Variants in ASCL4 observed in about 807,000 individuals in gnomAD.
ASCL4 encodes the protein achaete-scute family bHLH transcription factor 4.
In ASCL4, 1 loss-of-function variant was observed where a neutral mutation model predicts 0.3. The ratio of observed to expected loss-of-function variants is 3.35; its 90% CI spans 1.19 to 15.89. The LOEUF is 15.89. Among genes scored for constraint, ASCL4 ranks in the 30% most tolerant of loss-of-function variants. ASCL4 has a pLI of 0.12. For synonymous variants in ASCL4, 137 were observed against 119.5 expected (o/e 1.15, Z -0.96); for missense variants, 330 against 256.9 (o/e 1.28, Z -1.94).
In ASCL4 at chr12:107,775,555, A is replaced by ACG. The variant is rs753723874; in HGVS notation, c.339_340dup (p.Leu114ArgfsTer93). 6.3e-7 allele frequency: 1 copy of ACG among 1,576,900 alleles called. No homozygotes were observed. The highest frequency in any genetic ancestry group is 1.8e-5 in the Admixed American group (1 of 56,458). Reference sequence around the variant, plus strand: ...AGACAAGCGCCTCAGCAAAGTGGAGACGCTCCGCGCTGCCATCGACTACAT... The same window carrying ACG: ...AGACAAGCGCCTCAGCAAAGTGGAGACGCGCTCCGCGCTGCCATCGACTACAT... On this transcript the variant is annotated frameshift_variant, in exon 1 of 1. Coordinates refer to ENST00000342331, the MANE Select transcript of ASCL4 (RefSeq NM_203436.3). LOFTEE classifies it low-confidence loss of function (END_TRUNC).
chr12:107,775,229 G>A lies in ASCL4; in HGVS notation c.11G>A (p.Arg4His), dbSNP rs1176000494. The change falls in exon 1 of 1, where the codon CGT becomes CAT. Residue 4 changes from arginine to histidine, a missense_variant. Coordinates refer to ENST00000342331, the MANE Select transcript of ASCL4 (RefSeq NM_203436.3). ...GCTTTCCGGCAAATGATGGAGACGC[G>A]TAAACCGGCGGAACGGCTGGCCTTG... is the stretch of plus-strand genomic sequence containing the variant. MET[R>H]KPAERLALPY... 6.2e-7 allele frequency: 1 copy of A among 1,611,486 alleles called. No homozygotes were observed. The highest frequency in any genetic ancestry group is 8.5e-7 in the Non-Finnish European group (1 of 1,178,798).
In ASCL4 at chr12:107,776,301, G is replaced by C. The variant is rs1315034199; in HGVS notation, c.*564G>C. On this transcript the variant is annotated 3_prime_UTR_variant, in exon 1 of 1. Coordinates refer to ENST00000342331, the MANE Select transcript of ASCL4 (RefSeq NM_203436.3). ...CTGCTTTGGGTGAAGGAGACTGTAA[G>C]CTGGTACTTGAGAACGAATTTGCCA... The C allele has an allele frequency of 6.0e-6, 1 of 167,118 alleles. No homozygotes were observed. The highest frequency in any genetic ancestry group is 2.4e-5 in the African/African-American group (1 of 41,444). The allele number at this position is 167,118 out of a possible 1,614,324, so 10.4% of individuals were successfully genotyped here. A position where few individuals can be genotyped will look rare whatever the true frequency, so the allele number is the denominator to read the frequency against.
chr12:107,775,271 C>T lies in ASCL4; in HGVS notation c.53C>T (p.Thr18Ile), dbSNP rs370244634. Reference sequence around the variant, plus strand: ...CTGGCCTTGCCATACTCGCTGCGCACCGCGCCCCTGGGCGTTCCGGGGACC... The same window carrying T: ...CTGGCCTTGCCATACTCGCTGCGCATCGCGCCCCTGGGCGTTCCGGGGACC... ...ERLALPYSLR[T>I]APLGVPGTLP... Residue 18 changes from threonine (T) to isoleucine (I), a missense_variant, in exon 1 of 1, where the codon ACC becomes ATC. Thr to Ile is a moderately conservative substitution (Grantham distance 89, BLOSUM62 -1). Coordinates refer to ENST00000342331, the MANE Select transcript of ASCL4 (RefSeq NM_203436.3). 5.4e-5 allele frequency: 87 copies of T among 1,612,906 alleles called. No homozygotes were observed. The African/African-American group carries it at 9.9e-4, about 18-fold the overall frequency.
At position 107,775,397 on chromosome 12, in the gene ASCL4, A is replaced by G. The variant is rs759446215; in HGVS notation, c.179A>G (p.Tyr60Cys). ...ARSGCARGWQ[Y>C]LPVPLDSAFE... ...AGCGGCTGCGCACGGGGATGGCAGTACTTGCCCGTGCCGCTGGACAGCGCC... is the reference window on the plus strand; with the variant it reads ...AGCGGCTGCGCACGGGGATGGCAGTGCTTGCCCGTGCCGCTGGACAGCGCC... Residue 60 changes from tyrosine (Y) to cysteine (C), a missense_variant, in exon 1 of 1, where the codon TAC (tyrosine) becomes TGC (cysteine). By Grantham distance (194) the Tyr-to-Cys change is radical (BLOSUM62 -2). Transcript: ENST00000342331. 17 of 1,595,212 alleles carry G rather than the reference A, an allele frequency of 1.1e-5. No individual in the cohort carries two copies. Among genetic ancestry groups the G allele is most frequent in the Non-Finnish European group, 1.2e-5 (14 of 1,173,740 alleles).
rs1891431444 is a variant in ASCL4 at position 107,774,841 on chromosome 12, T to G, written c.-378T>G. ...ATTACAGGCATTGAAAAGCTTTTGG[T>G]GGCTTTGGAAGATGACTCTGGTGTG... On this transcript the variant is annotated 5_prime_UTR_variant, in exon 1 of 1. Coordinates refer to ENST00000342331, the MANE Select transcript of ASCL4 (RefSeq NM_203436.3). 1 of 204,504 alleles carries G rather than the reference T, an allele frequency of 4.9e-6. No homozygotes were observed. Among genetic ancestry groups the G allele is most frequent in the Non-Finnish European group, 9.8e-6 (1 of 102,482 alleles). 12.7% of individuals were successfully genotyped at this position (204,504 alleles called of 1,614,324 possible).
chr12:107,775,441 C>T lies in ASCL4; in HGVS notation c.223C>T (p.Arg75Cys). The stretch of plus-strand genomic sequence containing the variant: ...CAGCGCCTTCGAGCCCGCCTTCCTC[C>T]GCAAGCGCAACGAGCGCGAGCGGCA... ...LDSAFEPAFLRKRNERERQRV... is the reference protein window; with the variant it reads ...LDSAFEPAFLCKRNERERQRV... The change falls in exon 1 of 1, where the codon CGC becomes TGC. Residue 75 changes from arginine (R) to cysteine (C), a missense_variant. Transcript: ENST00000342331. 2.5e-6 allele frequency: 4 copies of T among 1,569,144 alleles called. No homozygotes were observed. Among genetic ancestry groups the T allele is most frequent in the East Asian group, 2.3e-5 (1 of 43,270 alleles).
chr12:107,774,998 T>A lies in ASCL4; in HGVS notation c.-221T>A. The A allele has an allele frequency of 1.7e-6, 1 of 577,436 alleles. No individual in the cohort carries two copies. The highest frequency in any genetic ancestry group is 3.6e-5 in the Admixed American group (1 of 27,802). The allele number at this position is 577,436 out of a possible 1,614,324, so 35.8% of individuals were successfully genotyped here. ...TACGTCTTTGCCTACCACCTCTGCC[T>A]AAATCATAAAAAGATCGAGGAGTGC... On this transcript the variant is annotated 5_prime_UTR_variant, in exon 1 of 1. Coordinates refer to ENST00000342331, the MANE Select transcript of ASCL4 (RefSeq NM_203436.3).
At position 107,775,227 on chromosome 12, in the gene ASCL4, G is replaced by A. The variant is rs1392420625; in HGVS notation, c.9G>A (p.Thr3=). The part of the protein sequence containing the change: ME[T]RKPAERLALP... ...GTGCTTTCCGGCAAATGATGGAGAC[G>A]CGTAAACCGGCGGAACGGCTGGCCT... Residue 3 remains threonine, a synonymous_variant, in exon 1 of 1, where the codon ACG becomes ACA. Coordinates refer to ENST00000342331, the MANE Select transcript of ASCL4 (RefSeq NM_203436.3). 1.9e-6 allele frequency: 3 copies of A among 1,611,470 alleles called. No individual in the cohort carries two copies. The highest frequency in any genetic ancestry group is 1.1e-5 in the South Asian group (1 of 90,886).
chr12:107,774,932 C>T lies in ASCL4; in HGVS notation c.-287C>T, dbSNP rs1284933236. 4.5e-6 allele frequency: 2 copies of T among 448,084 alleles called. No homozygotes were observed. Among genetic ancestry groups the T allele is most frequent in the Admixed American group, 8.3e-5 (2 of 24,064 alleles). The allele number at this position is 448,084 out of a possible 1,614,324, so 27.8% of individuals were successfully genotyped here. On this transcript the variant is annotated 5_prime_UTR_variant, in exon 1 of 1. Transcript: ENST00000342331. ...CCTTTGTTATCTTCTGAAAGAAGAT[C>T]AGTGGGGAAGACGGGGTTTGAAGTG... is the stretch of plus-strand genomic sequence containing the variant.
chr12:107,775,210 C>A lies in ASCL4; in HGVS notation c.-9C>A, dbSNP rs1254134425. 7 of 1,609,254 alleles carry A rather than the reference C, an allele frequency of 4.3e-6. No homozygotes were observed. Among genetic ancestry groups the A allele is most frequent in the Non-Finnish European group, 5.9e-6 (7 of 1,177,704 alleles). On this transcript the variant is annotated 5_prime_UTR_variant, in exon 1 of 1. Coordinates refer to ENST00000342331, the MANE Select transcript of ASCL4 (RefSeq NM_203436.3). ...CCTCTTGAGTGATTTGTGTGCTTTC[C>A]GGCAAATGATGGAGACGCGTAAACC...
chr12:107,775,462 C>T lies in ASCL4; in HGVS notation c.244C>T (p.Arg82Trp). 6.4e-7 allele frequency: 1 copy of T among 1,565,064 alleles called. No homozygotes were observed. Among genetic ancestry groups the T allele is most frequent in the Non-Finnish European group, 8.6e-7 (1 of 1,163,834 alleles). ...AFLRKRNERE[R>W]QRVRCVNEGY... ...CCTCCGCAAGCGCAACGAGCGCGAG[C>T]GGCAGCGGGTGCGCTGCGTGAACGA... Residue 82 changes from arginine to tryptophan, a missense_variant, in exon 1 of 1, where the codon CGG becomes TGG. By Grantham distance (101) the Arg-to-Trp change is moderately radical (BLOSUM62 -3). Transcript: ENST00000342331.
At position 107,775,616 on chromosome 12, in the gene ASCL4, G is replaced by T. The variant is rs1013793437; in HGVS notation, c.398G>T (p.Trp133Leu). 4.5e-6 allele frequency: 7 copies of T among 1,565,532 alleles called. No homozygotes were observed. The highest frequency in any genetic ancestry group is 2.3e-5 in the East Asian group (1 of 42,810). ...CAGGAGCTGCTGGAGCGCCAGGCCT[G>T]GGGGCTCGAGGGCGCGGCCGGCGCC... ...HLQELLERQA[W>L]GLEGAAGAVP... Residue 133 changes from tryptophan to leucine, a missense_variant, in exon 1 of 1, where the codon TGG becomes TTG. Coordinates refer to ENST00000342331, the MANE Select transcript of ASCL4 (RefSeq NM_203436.3).
chr12:107,775,047 C>T lies in ASCL4; in HGVS notation c.-172C>T, dbSNP rs1343954426. 2 of 750,466 alleles carry T rather than the reference C, an allele frequency of 2.7e-6. No homozygotes were observed. Among genetic ancestry groups the T allele is most frequent in the Middle Eastern group, 7.0e-4 (2 of 2,864 alleles). 46.5% of individuals were successfully genotyped at this position (750,466 alleles called of 1,614,324 possible). A position where few individuals can be genotyped will look rare whatever the true frequency, so the allele number is the denominator to read the frequency against. On this transcript the variant is annotated 5_prime_UTR_variant, in exon 1 of 1. Transcript: ENST00000342331. The stretch of plus-strand genomic sequence containing the variant: ...GCAATGAACTTCAGGAATCATGCAC[C>T]GTTTCCCTGAAGCCTGTCCAGGAAC...
rs570676868 is a variant in ASCL4 at position 107,775,975 on chromosome 12, A to C, written c.*238A>C. On this transcript the variant is annotated 3_prime_UTR_variant, in exon 1 of 1. Coordinates refer to ENST00000342331, the MANE Select transcript of ASCL4 (RefSeq NM_203436.3). ...GCCTGCAACTTATAGGTGCTTATTAAGGAGACTCTTTTCCTATACTTCTAA... is the reference window on the plus strand; with the variant it reads ...GCCTGCAACTTATAGGTGCTTATTACGGAGACTCTTTTCCTATACTTCTAA... 8 of 422,344 alleles carry C rather than the reference A, an allele frequency of 1.9e-5. No homozygotes were observed. Among genetic ancestry groups the C allele is most frequent in the Non-Finnish European group, 2.5e-5 (6 of 236,748 alleles). The allele number at this position is 422,344 out of a possible 1,614,324, so 26.2% of individuals were successfully genotyped here. A position where few individuals can be genotyped will look rare whatever the true frequency, so the allele number is the denominator to read the frequency against.
Position 107,775,235 on chromosome 12 carries a change from C to A in ASCL4, c.17C>A (p.Pro6Gln). Residue 6 changes from proline (P) to glutamine (Q), a missense_variant, in exon 1 of 1, where the codon CCG becomes CAG. Physicochemically the swap from Pro to Gln is moderately conservative, Grantham distance 76. Coordinates refer to ENST00000342331, the MANE Select transcript of ASCL4 (RefSeq NM_203436.3). METRKPAERLALPYSL... is the reference protein window; with the variant it reads METRKQAERLALPYSL... ...CGGCAAATGATGGAGACGCGTAAAC[C>A]GGCGGAACGGCTGGCCTTGCCATAC... is the stretch of plus-strand genomic sequence containing the variant. 6.2e-7 allele frequency: 1 copy of A among 1,611,916 alleles called. No individual in the cohort carries two copies. The highest frequency in any genetic ancestry group is 8.5e-7 in the Non-Finnish European group (1 of 1,179,026).
chr12:107,775,743 G>A lies in ASCL4; in HGVS notation c.*6G>A, dbSNP rs1386146972. On this transcript the variant is annotated 3_prime_UTR_variant, in exon 1 of 1. Coordinates refer to ENST00000342331, the MANE Select transcript of ASCL4 (RefSeq NM_203436.3). ...CCGAGGAGGGGGGCAGCTAGCGAGCGCCCGAACTGGCCAGGACCCCCGCGC... is the reference window on the plus strand; with the variant it reads ...CCGAGGAGGGGGGCAGCTAGCGAGCACCCGAACTGGCCAGGACCCCCGCGC... The A allele has an allele frequency of 1.4e-6, 2 of 1,425,652 alleles. No individual in the cohort carries two copies. The highest frequency in any genetic ancestry group is 2.7e-5 in the East Asian group (1 of 36,822). 88.3% of individuals were successfully genotyped at this position (1,425,652 alleles called of 1,614,324 possible).
rs1197487556 is a variant in ASCL4, at chr12:107,775,993, A to G, written c.*256A>G. ...CTTATTAAGGAGACTCTTTTCCTAT[A>G]CTTCTAAAATGCAAACTGTTTCAGA... On this transcript the variant is annotated 3_prime_UTR_variant, in exon 1 of 1. Coordinates refer to ENST00000342331, the MANE Select transcript of ASCL4 (RefSeq NM_203436.3). 2.5e-6 allele frequency: 1 copy of G among 395,816 alleles called. No individual in the cohort carries two copies. The allele number at this position is 395,816 out of a possible 1,614,324, so 24.5% of individuals were successfully genotyped here. A position where few individuals can be genotyped will look rare whatever the true frequency, so the allele number is the denominator to read the frequency against.
rs982827394 is a variant in ASCL4, at chr12:107,775,727, G to T, written c.509G>T (p.Gly170Val). ...APSPSSEPEEGGS is the reference protein window; with the variant it reads ...APSPSSEPEEVGS ...TCGCCCAGCAGCGAGCCCGAGGAGG[G>T]GGGCAGCTAGCGAGCGCCCGAACTG... Residue 170 changes from glycine (G) to valine (V), a missense_variant, in exon 1 of 1, where the codon GGG becomes GTG. Coordinates refer to ENST00000342331, the MANE Select transcript of ASCL4 (RefSeq NM_203436.3). The T allele has an allele frequency of 2.1e-6, 3 of 1,442,236 alleles. No homozygotes were observed. In the East Asian group the frequency reaches 8.0e-5, roughly 38 times the overall value. The allele number at this position is 1,442,236 out of a possible 1,614,324, so 89.3% of individuals were successfully genotyped here.
Position 107,774,732 on chromosome 12 carries a change from G to A in ASCL4, c.-487G>A, listed in dbSNP as rs150612251. ...TTTCCCTCCGCCGCCAGATCTGCAG[G>A]TTCCTGGGAGGAGCTCTTCTCAAAT... On this transcript the variant is annotated 5_prime_UTR_variant, in exon 1 of 1. Coordinates refer to ENST00000342331, the MANE Select transcript of ASCL4 (RefSeq NM_203436.3). The A allele has an allele frequency of 6.4e-3, 988 of 153,860 alleles. 3 individuals are homozygous for A. The highest frequency in any genetic ancestry group is 0.017 in the South Asian group (80 of 4,844). The allele number at this position is 153,860 out of a possible 1,614,324, so 9.5% of individuals were successfully genotyped here.
Sources: allele counts gnomAD v4.1 joint callset, GRCh38; gene constraint gnomAD v4.1.1; transcripts MANE v1.5; gene names NCBI Gene and HGNC (gene_info 2026-07-23, HGNC 2026-07-21).